AK7: variants seen among roughly 807,000 people sequenced by gnomAD.
The protein encoded by AK7 is adenylate kinase 7.
AK7 carries 78 observed loss-of-function variants against 96.6 expected under a neutral mutation model. The ratio of observed to expected loss-of-function variants is 0.81; its 90% CI spans 0.67 to 0.97. The LOEUF is 0.97. Ranked by LOEUF, AK7 falls within the 50% of genes least tolerant of loss-of-function variation. AK7 has a pLI of 0.00. For missense variants in AK7, 855 were observed against 887.9 expected, an observed-to-expected ratio of 0.96 and a Z score of 0.47; for synonymous variants, 302 against 317.2, an observed-to-expected ratio of 0.95 and a Z score of 0.51.
rs759009156 is a variant in AK7, at chr14:96,408,893, T to G, written c.450T>G (p.Ile150Met). 1 of 1,614,106 alleles carries G rather than the reference T, an allele frequency of 6.2e-7. No individual in the cohort carries two copies. The highest frequency in any genetic ancestry group is 1.3e-5 in the African/African-American group (1 of 74,926). ...ACTTTGAAAAGCGAAAGCTATTTAT[T>G]TTACTGTCGACGGTGATGACTTGGG... is the stretch of plus-strand genomic sequence containing the variant. ...VSHFEKRKLFILLSTVMTWAR... is the reference protein window; with the variant it reads ...VSHFEKRKLFMLLSTVMTWAR... Residue 150 changes from isoleucine (I) to methionine (M), a missense_variant, in exon 4 of 18, where the codon ATT becomes ATG. By Grantham distance (10) the Ile-to-Met change is conservative. Coordinates refer to ENST00000267584, the MANE Select transcript of AK7 (RefSeq NM_152327.5).
Position 96,392,210 on chromosome 14 carries a change from G to A in AK7, c.56G>A (p.Arg19Lys), listed in dbSNP as rs749003834. 7 of 1,613,822 alleles carry A rather than the reference G, an allele frequency of 4.3e-6. No individual in the cohort carries two copies. In the South Asian group the frequency reaches 6.6e-5, roughly 15 times the overall value. ...ALTEKVIRTQRVFINLLDSYS... is the reference protein window; with the variant it reads ...ALTEKVIRTQKVFINLLDSYS... ...ACGGAGAAGGTTATCCGGACCCAGAGGGTGTTTATAAACCTGTTGGATTCC... is the reference window on the plus strand; with the variant it reads ...ACGGAGAAGGTTATCCGGACCCAGAAGGTGTTTATAAACCTGTTGGATTCC... The change falls in exon 1 of 18, where the codon AGG becomes AAG. Residue 19 changes from arginine (R) to lysine (K), a missense_variant. Arg to Lys is a conservative substitution (Grantham distance 26, BLOSUM62 2). Transcript: ENST00000267584.
chr14:96,464,311 G>C (rs1386257950), intron 12 of AK7, among the ~76,000 whole-genome samples: 1 of 151,926 alleles, frequency 6.6e-6, no homozygotes, highest in Non-Finnish European at 1.5e-5. Flanking sequence ...ACTTTGAGAG[G>C]CCAAGGTGGG....
chr14:96,454,851 A>G (rs1893805766), intron 10 of AK7, among the ~76,000 whole-genome samples: 3 of 151,984 alleles, frequency 2.0e-5, no homozygotes, highest in Admixed American at 2.0e-4. Flanking sequence ...TGGCCTAAAA[A>G]TTAGAATAAA....
At chr14:96,406,559 A>C (rs951014791) in intron 3 of AK7, among the ~76,000 whole-genome samples, 2 of 152,194 alleles carry the variant, frequency 1.3e-5, no homozygotes, top group Non-Finnish European at 2.9e-5. Context: ...GAGATCCTTC[A>C]ATCTGTCACC....
rs757335780 is a variant in AK7 at position 96,446,623 on chromosome 14, C to G, written c.870+16C>G. 2 of 1,607,478 alleles carry G rather than the reference C, an allele frequency of 1.2e-6. No homozygotes were observed. The highest frequency in any genetic ancestry group is 2.2e-5 in the South Asian group (2 of 90,924). ...CATAGTCAAGGTACAGTGGTTTCAT[C>G]CCATACTTTGATGACATATCGTAAA... On this transcript the variant is annotated intron_variant, in intron 8 of 17. Transcript: ENST00000267584.
intron 5 of AK7, chr14:96,423,846 G>A (rs979081913): frequency 2.4e-6 from 2 of 817,230 alleles, no homozygotes; most frequent in Non-Finnish European, 4.3e-6. Context: ...CGGTTGCTGA[G>A]GATGGGCTCG....
chr14:96,420,993 G>T (rs1891656733), intron 5 of AK7, 61 bp downstream of exon 5: 1 of 1,213,952 alleles, frequency 8.2e-7, no homozygotes, highest in Non-Finnish European at 1.2e-6. Context: ...TCTTTGTGTG[G>T]TTTCCTGAGA....
intron 5 of AK7, chr14:96,424,145 C>A: frequency 1.6e-6 from 1 of 628,090 alleles, no homozygotes. Context: ...TGACATGCAG[C>A]GGGTGCTGCG....
chr14:96,424,287 G>C, intron 5 of AK7: 1 of 411,784 alleles, frequency 2.4e-6, no homozygotes, highest in Non-Finnish European at 4.4e-6. Context: ...CGGCGACACG[G>C]GGGTCTCCGC....
chr14:96,409,496 C>A (rs1890913566), intron 4 of AK7, among the ~76,000 whole-genome samples: 1 of 152,110 alleles, frequency 6.6e-6, no homozygotes, highest in Non-Finnish European at 1.5e-5. Context: ...CCCTTGAATC[C>A]GGGAGGCAGA....
rs139853954 is a variant in AK7 at position 96,431,931 on chromosome 14, C to T, written c.610-5904C>T. Among the ~76,000 whole-genome samples the T allele has an allele frequency of 6.0e-3, 912 of 152,260 alleles. 13 individuals are homozygous for T. Among genetic ancestry groups the T allele is most frequent in the African/African-American group, 0.021 (885 of 41,544 alleles). On this transcript the variant is annotated intron_variant, in intron 5 of 17. Coordinates refer to ENST00000267584, the MANE Select transcript of AK7 (RefSeq NM_152327.5). ...GTCTCTAAGGACTTGCTTTATGAAT[C>T]TGGGTGCTCCTGTATTGGGTGCATA...
intron 14 of AK7, among the ~76,000 whole-genome samples, chr14:96,473,653 G>A (rs893098623): frequency 3.9e-5 from 6 of 151,934 alleles, no homozygotes; most frequent in African/African-American, 1.2e-4. Flanking sequence ...ATGCACCAAC[G>A]GATAAACATG....
chr14:96,398,534 T>G lies in AK7; in HGVS notation c.294+271T>G, dbSNP rs1008406661. The G allele has an allele frequency of 8.7e-6, 4 of 458,684 alleles. No individual in the cohort carries two copies. The East Asian group carries it at 1.7e-4, about 19-fold the overall frequency. The allele number at this position is 458,684 out of a possible 1,614,324, so 28.4% of individuals were successfully genotyped here. On this transcript the variant is annotated intron_variant, in intron 2 of 17. Transcript: ENST00000267584. ...ACTCATACAGTTCTCCTCTTCAGCA[T>G]ATTCTGCCTTGCATTATCCAAGACG...
intron 4 of AK7, among the ~76,000 whole-genome samples, chr14:96,417,129 T>G (rs976293169): frequency 4.6e-5 from 7 of 152,190 alleles, no homozygotes; most frequent in Admixed American, 3.9e-4. Context: ...TGGCCCAGCA[T>G]GCCATGTGAG....
At chr14:96,487,169 G>C (rs1895815659) in intron 17 of AK7, 113 bp downstream of exon 17, 1 of 1,002,778 alleles carries the variant, frequency 1.0e-6, no homozygotes, top group South Asian at 1.4e-5. Context: ...GTGGTCAGGA[G>C]TTAGAGACCA....
At chr14:96,433,540 T>TCTACACTG (rs145541990) in intron 5 of AK7, among the ~76,000 whole-genome samples, 12,911 of 152,214 alleles carry the variant, frequency 0.085, 616 homozygotes, top group East Asian at 0.12. Flanking sequence ...TAAGGTCTTC[T>TCTACACTG]CTACACTGTT....
rs139815054 is a variant in AK7 at position 96,410,324 on chromosome 14, C to T, written c.498+1383C>T. The stretch of plus-strand genomic sequence containing the variant: ...GTCCAGCTAAGTGTCCACTATAAAA[C>T]AATTATGAGTCAATGGACTGGCTGA... On this transcript the variant is annotated intron_variant, in intron 4 of 17. Transcript: ENST00000267584. Among the ~76,000 whole-genome samples the T allele has an allele frequency of 2.7e-3, 410 of 152,260 alleles. 2 individuals are homozygous for T. Among genetic ancestry groups the T allele is most frequent in the African/African-American group, 9.6e-3 (398 of 41,548 alleles).
At chr14:96,470,578 G>A (rs1172129572) in intron 12 of AK7, among the ~76,000 whole-genome samples, 1 of 152,102 alleles carries the variant, frequency 6.6e-6, no homozygotes, top group Non-Finnish European at 1.5e-5. Context: ...CAGGAACCCA[G>A]TGTCAGGGCT....
chr14:96,472,660 A>C, intron 13 of AK7, 27 bp from the exon 14 acceptor site: 1 of 1,588,918 alleles, frequency 6.3e-7, no homozygotes, highest in South Asian at 1.1e-5. Context: ...ATTAATAAAC[A>C]CAATGAGGAA....
Sources: allele counts gnomAD v4.1 joint callset (sites outside exome capture counted in the v4.1 genomes callset), GRCh38; gene constraint gnomAD v4.1.1; transcripts MANE v1.5; gene names NCBI Gene and HGNC (gene_info 2026-07-23, HGNC 2026-07-21).